TTC39C: variants seen among roughly 807,000 people sequenced by gnomAD.
TTC39C encodes tetratricopeptide repeat domain 39C, also known as tetratricopeptide repeat protein 39C.
In TTC39C, 33 loss-of-function variants were observed where a neutral mutation model predicts 76.3. That is an observed-to-expected ratio of 0.43 (90% confidence interval 0.33 to 0.58). TTC39C has a LOEUF of 0.58. Among genes scored for constraint, TTC39C ranks in the 20% least tolerant of loss-of-function variants. The pLI, the probability that TTC39C is intolerant of heterozygous loss-of-function variation, is 0.04. For synonymous variants in TTC39C, 254 were observed against 260.6 expected (o/e 0.97, Z 0.24); for missense variants, 595 against 701.4 (o/e 0.85, Z 1.71).
intron 1 of TTC39C, among the ~76,000 whole-genome samples, chr18:24,026,905 T>G (rs942548670): frequency 6.6e-6 from 1 of 152,220 alleles, no homozygotes; most frequent in Admixed American, 6.5e-5. Flanking sequence ...CAAATGAAAC[T>G]CTTTGGTACT....
At chr18:24,037,791 G>A (rs1311597390) in intron 1 of TTC39C, among the ~76,000 whole-genome samples, 1 of 152,330 alleles carries the variant, frequency 6.6e-6, no homozygotes, top group Admixed American at 6.5e-5. Flanking sequence ...CAGGGTTGCT[G>A]TTGTGAACTC....
chr18:24,061,206 A>G (rs1245074443), intron 1 of TTC39C, among the ~76,000 whole-genome samples: 2 of 151,464 alleles, frequency 1.3e-5, no homozygotes, highest in Non-Finnish European at 2.9e-5. Flanking sequence ...TTTTTTCAAT[A>G]TCAGCAAATA....
chr18:24,015,035 A>ACAGGTGACC lies in TTC39C; in HGVS notation c.167_167+8dup. 2 of 1,447,448 alleles carry ACAGGTGACC rather than the reference A, an allele frequency of 1.4e-6. No homozygotes were observed. Among genetic ancestry groups the ACAGGTGACC allele is most frequent in the Non-Finnish European group, 1.8e-6 (2 of 1,094,522 alleles). 89.7% of individuals were successfully genotyped at this position (1,447,448 alleles called of 1,614,324 possible). A position where few individuals can be genotyped will look rare whatever the true frequency, so the allele number is the denominator to read the frequency against. ...GAGTCGGACCAGCTTTTCAAACAATACAGGTGACCCACGCGTCCCCGATTC... is the reference window on the plus strand; with the variant it reads ...GAGTCGGACCAGCTTTTCAAACAATACAGGTGACCCAGGTGACCCACGCGTCCCCGATTC... On this transcript the variant is annotated stop_gained and inframe_insertion, in exon 1 of 14. Transcript: ENST00000317571. LOFTEE classifies it high-confidence loss of function.
chr18:24,006,537 A>G (rs1437349608), intron 1 of TTC39C: 2 of 129,732 alleles, frequency 1.5e-5, no homozygotes, highest in Non-Finnish European at 3.1e-5. Flanking sequence ...ATCTGTCTTC[A>G]TTGACCAGCA....
At chr18:24,007,858 G>A (rs918058790) in intron 1 of TTC39C, among the ~76,000 whole-genome samples, 6 of 150,158 alleles carry the variant, frequency 4.0e-5, no homozygotes, top group African/African-American at 1.2e-4. Flanking sequence ...TCAAGATACT[G>A]TTGACAAGTA....
At chr18:24,065,071 G>A (rs1258616922) in intron 2 of TTC39C, among the ~76,000 whole-genome samples, 1 of 152,206 alleles carries the variant, frequency 6.6e-6, no homozygotes. Flanking sequence ...CTAACCAAAG[G>A]GTCTTGGCTG....
chr18:24,008,071 C>CA (rs1438617460), intron 1 of TTC39C, among the ~76,000 whole-genome samples: 9 of 152,192 alleles, frequency 5.9e-5, no homozygotes, highest in African/African-American at 2.2e-4. Context: ...CCCCAAATCA[C>CA]AAAGTCAGTG....
intron 1 of TTC39C, among the ~76,000 whole-genome samples, chr18:24,025,942 A>G (rs956191122): frequency 2.6e-5 from 4 of 152,196 alleles, no homozygotes; most frequent in Non-Finnish European, 4.4e-5. Context: ...AGGCAGCAGG[A>G]CAGAGGCCAG....
intron 6 of TTC39C, among the ~76,000 whole-genome samples, chr18:24,091,904 A>C (rs1400955801): frequency 6.6e-6 from 1 of 151,846 alleles, no homozygotes; most frequent in African/African-American, 2.4e-5. Context: ...CCTGGCTAAC[A>C]TGATGAAACC....
At chr18:24,126,076 A>T (rs927395100) in intron 10 of TTC39C, among the ~76,000 whole-genome samples, 1 of 152,140 alleles carries the variant, frequency 6.6e-6, no homozygotes, top group Admixed American at 6.5e-5. Flanking sequence ...AGTCCCAGCT[A>T]CTTGGGAGAC....
chr18:24,052,646 C>T (rs145379255), intron 1 of TTC39C, among the ~76,000 whole-genome samples: 22 of 152,226 alleles, frequency 1.4e-4, no homozygotes, highest in East Asian at 9.6e-4. Context: ...ATTTATTAGA[C>T]GATGATCCCG....
chr18:24,063,510 C>G (rs2084125131), intron 1 of TTC39C, among the ~76,000 whole-genome samples: 1 of 131,210 alleles, frequency 7.6e-6, no homozygotes, highest in South Asian at 2.4e-4. Context: ...CAGATTGTTT[C>G]TACCTTTTTT....
At chr18:24,107,654 T>C (rs1161349948) in intron 6 of TTC39C, among the ~76,000 whole-genome samples, 2 of 152,212 alleles carry the variant, frequency 1.3e-5, no homozygotes, top group Non-Finnish European at 1.5e-5. Flanking sequence ...TTGCAAGGCC[T>C]CCCCAGCCAT....
chr18:24,012,317 CA>C (rs1360619618), upstream of TTC39C, among the ~76,000 whole-genome samples: 25 of 152,160 alleles, frequency 1.6e-4, no homozygotes, highest in Admixed American at 1.6e-3. Flanking sequence ...CTATCCACGC[CA>C]CCCCTCCCCT....
chr18:24,119,436 C>T (rs1007208927), intron 8 of TTC39C, among the ~76,000 whole-genome samples: 4 of 152,192 alleles, frequency 2.6e-5, no homozygotes, highest in Non-Finnish European at 5.9e-5. Flanking sequence ...TGACCATCTT[C>T]CACTTCCATT....
In TTC39C at chr18:24,130,295, C is replaced by A; in HGVS notation, c.1519-18C>A. 1 of 1,387,396 alleles carries A rather than the reference C, an allele frequency of 7.2e-7. No homozygotes were observed. The highest frequency in any genetic ancestry group is 1.0e-6 in the Non-Finnish European group (1 of 996,682). The allele number at this position is 1,387,396 out of a possible 1,614,324, so 85.9% of individuals were successfully genotyped here. ...GTAGGAAAATGAATTCATCCAATAACATTTGCATTCCTTTCAGTACTTCCA... is the reference window on the plus strand; with the variant it reads ...GTAGGAAAATGAATTCATCCAATAAAATTTGCATTCCTTTCAGTACTTCCA... On this transcript the variant is annotated intron_variant, in intron 11 of 13. Transcript: ENST00000317571.
intron 10 of TTC39C, 22 bp downstream of exon 10, chr18:24,125,572 A>C (rs766828243): frequency 6.2e-7 from 1 of 1,613,888 alleles, no homozygotes; most frequent in Non-Finnish European, 8.5e-7. Context: ...AAAAAAACCC[A>C]AAACTGTCTA....
intron 8 of TTC39C, among the ~76,000 whole-genome samples, chr18:24,122,500 C>CAAAAAAAAAAAAAAA (rs36002596): frequency 1.6e-4 from 8 of 51,032 alleles, no homozygotes; most frequent in East Asian, 6.8e-4. Context: ...GACTCCATCT[C>CAAAAAAAAAAAAAAA]AAAAAAAAAA....
rs1489618318 is a variant in TTC39C at position 24,134,401 on chromosome 18, G to C, written c.*1827G>C. The C allele has an allele frequency of 6.7e-6, 1 of 149,540 alleles. No individual in the cohort carries two copies. The highest frequency in any genetic ancestry group is 1.5e-5 in the Non-Finnish European group (1 of 67,762). 9.3% of individuals were successfully genotyped at this position (149,540 alleles called of 1,614,324 possible). A position where few individuals can be genotyped will look rare whatever the true frequency, so the allele number is the denominator to read the frequency against. On this transcript the variant is annotated 3_prime_UTR_variant, in exon 14 of 14. Transcript: ENST00000317571. ...CCATTCTCCTGCCTCAGCCTCCCAA[G>C]TAGCTGGGACTACAGGCACCCGCAA...
Sources: gnomAD v4.1 joint callset for allele counts (sites outside exome capture counted in the v4.1 genomes callset) on GRCh38, gnomAD v4.1.1 for gene constraint, MANE v1.5 for transcripts, NCBI Gene and HGNC (gene_info 2026-07-23, HGNC 2026-07-21) for gene names.